Variants in RNF185 observed in about 807,000 individuals in gnomAD.
RNF185 encodes the protein E3 ubiquitin-protein ligase RNF185.
A neutral mutation model predicts 24.9 loss-of-function variants in RNF185; 13 were observed. The observed-to-expected ratio is 0.52, with a 90% CI of 0.34 to 0.83. The LOEUF (loss-of-function observed/expected upper bound fraction) is 0.83. Ranked by LOEUF, RNF185 falls within the 40% of genes least tolerant of loss-of-function variation. The pLI is 0.01. For synonymous variants in RNF185, 79 were observed against 90.3 expected, an observed-to-expected ratio of 0.88 and a Z score of 0.71; for missense variants, 184 against 244.7, an observed-to-expected ratio of 0.75 and a Z score of 1.65.
intron 1 of RNF185, among the ~76,000 whole-genome samples, chr22:31,166,385 GC>G (rs1415075198): frequency 2.0e-5 from 3 of 152,088 alleles, no homozygotes; most frequent in African/African-American, 7.2e-5. Context: ...AACCTTTGTT[GC>G]AGTTGCTATA....
At chr22:31,161,542 G>T (rs893320443) in intron 1 of RNF185, among the ~76,000 whole-genome samples, 3 of 152,192 alleles carry the variant, frequency 2.0e-5, no homozygotes, top group Non-Finnish European at 4.4e-5. Context: ...AATGTTTATT[G>T]AATGAATAAG....
chr22:31,161,600 G>A (rs776746136), intron 1 of RNF185, among the ~76,000 whole-genome samples: 3 of 152,212 alleles, frequency 2.0e-5, no homozygotes, highest in Non-Finnish European at 2.9e-5. Context: ...CTAAGAACAA[G>A]TTGGAAATGC....
chr22:31,192,637 C>T (rs777808142), intron 2 of RNF185, 47 bp from the exon 3 acceptor site: 1 of 1,591,874 alleles, frequency 6.3e-7, no homozygotes, highest in South Asian at 1.1e-5. Context: ...TTCCTTTCCC[C>T]TTTTCTCCTT....
chr22:31,188,532 G>C (rs1368320228), intron 2 of RNF185, among the ~76,000 whole-genome samples: 1 of 152,134 alleles, frequency 6.6e-6, no homozygotes, highest in Non-Finnish European at 1.5e-5. Context: ...TAAAAAATGT[G>C]TACAGCTATT....
intron 1 of RNF185, among the ~76,000 whole-genome samples, chr22:31,165,382 T>C (rs1337330349): frequency 1.3e-5 from 2 of 152,258 alleles, no homozygotes; most frequent in African/African-American, 4.8e-5. Flanking sequence ...GATGTTCTTA[T>C]TGGCCATCTG....
intron 1 of RNF185, among the ~76,000 whole-genome samples, chr22:31,176,016 G>T (rs992867530): frequency 1.3e-5 from 2 of 152,012 alleles, no homozygotes; most frequent in Non-Finnish European, 2.9e-5. Context: ...TCCCATCTTG[G>T]CCTCCCAAAG....
At chr22:31,175,163 C>G (rs1259966115) in intron 1 of RNF185, among the ~76,000 whole-genome samples, 1 of 151,512 alleles carries the variant, frequency 6.6e-6, no homozygotes, top group Admixed American at 6.6e-5. Context: ...TGTGTTATCT[C>G]TGGGCTTGGT....
chr22:31,200,194 A>G lies in RNF185; in HGVS notation c.364-1304A>G, dbSNP rs144384614. Among the ~76,000 whole-genome samples the G allele has an allele frequency of 2.4e-3, 363 of 152,106 alleles. 4 individuals are homozygous for G. The highest frequency in any genetic ancestry group is 0.017 in the East Asian group (86 of 5,186). ...CAACAAAGTGAGACCCTATCTGTAC[A>G]AAAAATTTAAAAATTAGCAAAGCAT... is the stretch of plus-strand genomic sequence containing the variant. On this transcript the variant is annotated intron_variant, in intron 5 of 6. Transcript: ENST00000326132.
In RNF185 at chr22:31,163,469, G is replaced by C. The variant is rs181907271; in HGVS notation, c.-49+3166G>C. Among the ~76,000 whole-genome samples, 360 of 151,070 alleles carry C rather than the reference G, an allele frequency of 2.4e-3. 4 individuals are homozygous for C. Among genetic ancestry groups the C allele is most frequent in the East Asian group, 0.017 (85 of 5,102 alleles). ...CAGCCACCCGAGTAGTTGGGACTAC[G>C]GGCACACACCACCACACCCAGCTAA... On this transcript the variant is annotated intron_variant, in intron 1 of 6. Coordinates refer to ENST00000326132, the MANE Select transcript of RNF185 (RefSeq NM_152267.4).
At chr22:31,177,146 C>G (rs992601293) in intron 1 of RNF185, among the ~76,000 whole-genome samples, 6 of 152,268 alleles carry the variant, frequency 3.9e-5, no homozygotes, top group Non-Finnish European at 1.5e-5. Flanking sequence ...CCAGCATTCC[C>G]TGTCTTCAGG....
intron 1 of RNF185, among the ~76,000 whole-genome samples, chr22:31,161,818 A>G (rs889077592): frequency 3.3e-5 from 5 of 151,708 alleles, no homozygotes; most frequent in Non-Finnish European, 7.4e-5. Context: ...CATGCATCAT[A>G]TAAAAACAGT....
intron 1 of RNF185, among the ~76,000 whole-genome samples, chr22:31,183,561 G>C (rs2066121228): frequency 1.3e-5 from 2 of 151,906 alleles, no homozygotes; most frequent in Admixed American, 6.6e-5. Flanking sequence ...TCCCTGGGTA[G>C]TTGAGATTAG....
intron 1 of RNF185, among the ~76,000 whole-genome samples, chr22:31,177,236 GA>G (rs34293991): frequency 6.6e-6 from 1 of 151,232 alleles, no homozygotes; most frequent in Non-Finnish European, 1.5e-5. Flanking sequence ...CCTTTAGACT[GA>G]AAAAAAAGTT....
intron 1 of RNF185, among the ~76,000 whole-genome samples, chr22:31,174,441 G>A (rs1040670339): frequency 2.0e-5 from 3 of 152,042 alleles, no homozygotes; most frequent in African/African-American, 7.2e-5. Flanking sequence ...GTGCAGTGGC[G>A]TCATCATCGC....
At chr22:31,203,706 CAT>C (rs1278794668) in intron 6 of RNF185, among the ~76,000 whole-genome samples, 2 of 152,136 alleles carry the variant, frequency 1.3e-5, no homozygotes, top group African/African-American at 2.4e-5. Flanking sequence ...TATTGTTCCA[CAT>C]AGTTTCATTT....
In RNF185 at chr22:31,201,602, G is replaced by A. The variant is rs750087472; in HGVS notation, c.468G>A (p.Gly156=). The stretch of plus-strand genomic sequence containing the variant: ...CCACAGCATTTAATATAAATGATGG[G>A]CGGCCTCCTCCAGGTAAGACCCTAT... ...IFATAFNIND[G]RPPPAVPGTP... is the part of the protein sequence containing the mutation. The change falls in exon 6 of 7, where the codon GGG becomes GGA. Residue 156 remains glycine (G), a synonymous_variant. Transcript: ENST00000326132. 6.2e-7 allele frequency: 1 copy of A among 1,609,428 alleles called. No homozygotes were observed. Among genetic ancestry groups the A allele is most frequent in the East Asian group, 2.2e-5 (1 of 44,872 alleles).
intron 1 of RNF185, among the ~76,000 whole-genome samples, chr22:31,172,755 A>AG (rs1450826049): frequency 1.3e-5 from 2 of 151,422 alleles, no homozygotes; most frequent in Non-Finnish European, 3.0e-5. Context: ...TCTCAAAAAA[A>AG]AAAAAAAAAA....
intron 1 of RNF185, among the ~76,000 whole-genome samples, chr22:31,168,826 C>T (rs1374840643): frequency 6.6e-6 from 1 of 152,184 alleles, no homozygotes; most frequent in Non-Finnish European, 1.5e-5. Context: ...GAGCACCCTT[C>T]TGTGTACTTT....
At chr22:31,201,053 A>T (rs1190591182) in intron 5 of RNF185, among the ~76,000 whole-genome samples, 2 of 151,946 alleles carry the variant, frequency 1.3e-5, no homozygotes, top group African/African-American at 4.8e-5. Context: ...GGCTAATTAG[A>T]GTTTCAACAT....
Sources: gnomAD v4.1 joint callset for allele counts (sites outside exome capture counted in the v4.1 genomes callset) on GRCh38, gnomAD v4.1.1 for gene constraint, MANE v1.5 for transcripts, NCBI Gene and HGNC (gene_info 2026-07-23, HGNC 2026-07-21) for gene names.